Variants in ZNF345 observed in about 807,000 individuals in gnomAD.
ZNF345 encodes zinc finger protein 345, also known as zinc finger protein HZF10.
For missense variants in ZNF345, 527 were observed against 589.9 expected, an observed-to-expected ratio of 0.89 and a Z score of 1.10; for synonymous variants, 166 against 187.9, an observed-to-expected ratio of 0.88 and a Z score of 0.95.
At chr19:36,855,028 T>G (rs2072377597) in intron 2 of ZNF345, among the ~76,000 whole-genome samples, 1 of 151,340 alleles carries the variant, frequency 6.6e-6, no homozygotes, top group Admixed American at 6.6e-5. Flanking sequence ...ATTTTTTGTA[T>G]TTTTAGTAGA....
At chr19:36,855,662 G>C in intron 2 of ZNF345, among the ~76,000 whole-genome samples, 1 of 151,282 alleles carries the variant, frequency 6.6e-6, no homozygotes. Flanking sequence ...CTGTTGGTCA[G>C]GCTGGTCTCG....
intron 2 of ZNF345, among the ~76,000 whole-genome samples, chr19:36,873,233 A>G (rs2072805718): frequency 6.6e-6 from 1 of 152,010 alleles, no homozygotes; most frequent in Admixed American, 6.6e-5. Context: ...ATGAGAATAT[A>G]CGTTGTGACT....
At chr19:36,872,420 G>T (rs1159712417) in intron 2 of ZNF345, 1 of 152,220 alleles carries the variant, frequency 6.6e-6, no homozygotes, top group Non-Finnish European at 1.5e-5. Flanking sequence ...TGCCCTCCCT[G>T]GGGGGCAGTG....
At chr19:36,864,841 GC>G (rs2072625492) in intron 2 of ZNF345, among the ~76,000 whole-genome samples, 1 of 152,172 alleles carries the variant, frequency 6.6e-6, no homozygotes, top group South Asian at 2.1e-4. Flanking sequence ...GAGAGTGAAA[GC>G]CTCAAGTTTT....
At chr19:36,892,332 C>A in intron 3 of ZNF345, 1 of 1,613,810 alleles carries the variant, frequency 6.2e-7, no homozygotes, top group Non-Finnish European at 8.5e-7. Flanking sequence ...CCCATGGTTT[C>A]TCTTCACTCA....
chr19:36,871,364 C>A (rs2072767994), intron 2 of ZNF345, among the ~76,000 whole-genome samples: 1 of 152,178 alleles, frequency 6.6e-6, no homozygotes, highest in African/African-American at 2.4e-5. Flanking sequence ...ATCCATCACC[C>A]AAATTCTTCA....
intron 3 of ZNF345, chr19:36,892,724 T>C: frequency 1.8e-6 from 1 of 565,748 alleles, no homozygotes; most frequent in South Asian, 2.9e-5. Flanking sequence ...AGAGTCACCT[T>C]AAGCCTTGGT....
chr19:36,855,545 C>T (rs1036967776), intron 2 of ZNF345, among the ~76,000 whole-genome samples: 3 of 144,946 alleles, frequency 2.1e-5, no homozygotes, highest in Non-Finnish European at 1.5e-5. Flanking sequence ...ACCTCTGTCT[C>T]CTGTTCAAGT....
At chr19:36,852,105 TTTTCTTTTTTTTTTCTTTC>T (rs1396600670) in intron 2 of ZNF345, among the ~76,000 whole-genome samples, 4 of 150,118 alleles carry the variant, frequency 2.7e-5, no homozygotes, top group African/African-American at 7.4e-5. Context: ...TAATTTTTCT[TTTTCTTTTTTTTTTCTTTC>T]TTTCTTTTTT....
intron 3 of ZNF345, among the ~76,000 whole-genome samples, chr19:36,886,993 C>CAA (rs57034209): frequency 0.049 from 1,996 of 40,764 alleles, 178 homozygotes; most frequent in African/African-American, 0.16. Flanking sequence ...GACTCCGTCT[C>CAA]AAAAAAAAAA....
chr19:36,883,814 C>T (rs1014534632), downstream of ZNF345, among the ~76,000 whole-genome samples: 2 of 152,152 alleles, frequency 1.3e-5, no homozygotes, highest in African/African-American at 4.8e-5. Context: ...CTCTCTCAGA[C>T]ATAATATTCA....
chr19:36,858,517 G>A (rs1286693308), intron 2 of ZNF345, among the ~76,000 whole-genome samples: 1 of 152,180 alleles, frequency 6.6e-6, no homozygotes, highest in East Asian at 1.9e-4. Flanking sequence ...CGTAATCCCA[G>A]CACTTTAGGA....
chr19:36,864,596 A>G (rs2146162418), intron 2 of ZNF345, among the ~76,000 whole-genome samples: 1 of 152,236 alleles, frequency 6.6e-6, no homozygotes, highest in Non-Finnish European at 1.5e-5. Flanking sequence ...ACGCCCTCCC[A>G]GGGTTAACAT....
intron 3 of ZNF345, among the ~76,000 whole-genome samples, chr19:36,884,795 T>C (rs2072987612): frequency 6.6e-6 from 1 of 152,170 alleles, no homozygotes; most frequent in Non-Finnish European, 1.5e-5. Context: ...TCCAGAGGCC[T>C]AGAGTACCCC....
chr19:36,880,644 G>A (rs529564627), downstream of ZNF345, among the ~76,000 whole-genome samples: 4 of 151,150 alleles, frequency 2.6e-5, no homozygotes, highest in South Asian at 4.2e-4. Flanking sequence ...TTTTAAAAAT[G>A]AGCCAGGCAT....
At chr19:36,875,643 T>C (rs1018925584) in intron 2 of ZNF345, among the ~76,000 whole-genome samples, 5 of 152,186 alleles carry the variant, frequency 3.3e-5, no homozygotes, top group Admixed American at 2.0e-4. Flanking sequence ...GAAGAAATGC[T>C]GGTTTAGTGT....
At chr19:36,860,519 T>C (rs2072526069) in intron 2 of ZNF345, among the ~76,000 whole-genome samples, 1 of 152,200 alleles carries the variant, frequency 6.6e-6, no homozygotes, top group Non-Finnish European at 1.5e-5. Flanking sequence ...GCTCTCTCTT[T>C]GTCTTTCATG....
At position 36,865,714 on chromosome 19, in the gene ZNF345, C is replaced by A. The variant is rs192465880; in HGVS notation, c.-46-11071C>A. 6.4e-3 allele frequency among the ~76,000 whole-genome samples: 969 copies of A among 152,298 alleles called. 7 individuals carry two copies. The highest frequency in any genetic ancestry group is 0.014 in the Middle Eastern group (4 of 294). ...GCAATCATAAGATCTGCAAACATCACTTTTGTTTCTTGCTTTCTAGTACTT... is the reference window on the plus strand; with the variant it reads ...GCAATCATAAGATCTGCAAACATCAATTTTGTTTCTTGCTTTCTAGTACTT... On this transcript the variant is annotated intron_variant, in intron 2 of 2. Coordinates refer to ENST00000420450, the MANE Select transcript of ZNF345 (RefSeq NM_001242472.2).
intron 2 of ZNF345, among the ~76,000 whole-genome samples, chr19:36,874,567 G>C (rs1239693111): frequency 6.6e-6 from 1 of 151,512 alleles, no homozygotes. Context: ...GGGAGGCTGA[G>C]GTCGGGAGTT....
Sources: gnomAD v4.1 joint callset for allele counts (sites outside exome capture counted in the v4.1 genomes callset) on GRCh38, gnomAD v4.1.1 for gene constraint, MANE v1.5 for transcripts, NCBI Gene and HGNC (gene_info 2026-07-23, HGNC 2026-07-21) for gene names.